The following MGAM variants were observed in gnomAD, a reference collection of about 807,000 sequenced individuals.
MGAM encodes the protein maltase-glucoamylase.
MGAM carries 253 observed loss-of-function variants against 358.8 expected under a neutral mutation model. The ratio of observed to expected loss-of-function variants is 0.71; its 90% confidence interval spans 0.64 to 0.78. The LOEUF is 0.78. Ranked by LOEUF, MGAM falls within the 30% of genes least tolerant of loss-of-function variation. MGAM has a pLI of 0.00. For missense variants in MGAM, 3,080 were observed against 3,432.6 expected, an observed-to-expected ratio of 0.90 and a Z score of 2.57; for synonymous variants, 1,105 against 1,227.1, an observed-to-expected ratio of 0.90 and a Z score of 2.08.
At chr7:142,081,992 C>T in intron 50 of MGAM, 50 bp from the exon 51 acceptor site, 1 of 1,512,680 alleles carries the variant, frequency 6.6e-7, no homozygotes. Context: ...CTGCTGGAAG[C>T]AGAGAGAAAA....
At chr7:142,051,172 G>A (rs1261168430) in intron 24 of MGAM, among the ~76,000 whole-genome samples, 1 of 152,116 alleles carries the variant, frequency 6.6e-6, no homozygotes, top group Non-Finnish European at 1.5e-5. Context: ...GGAATAGCCT[G>A]ACATTATTAG....
rs369092114 is a variant in MGAM at position 142,065,966 on chromosome 7, T to C, written c.4770+135T>C. 1,167 of 755,554 alleles carry C rather than the reference T, an allele frequency of 1.5e-3. 49 individuals carry two copies. In the African/African-American group the frequency reaches 0.02, roughly 13 times the overall value. 46.8% of individuals were successfully genotyped at this position (755,554 alleles called of 1,614,324 possible). A position where few individuals can be genotyped will look rare whatever the true frequency, so the allele number is the denominator to read the frequency against. On this transcript the variant is annotated intron_variant, in intron 40 of 70. Coordinates refer to ENST00000475668, the MANE Select transcript of MGAM (RefSeq NM_001365693.1). ...GTGTTTTTTTTTGTTTTGTTTTGTT[T>C]TGTTTTTTTTTTTGAAACAGGGATT... is the stretch of plus-strand genomic sequence containing the variant.
chr7:142,078,024 T>C (rs1451244905), intron 47 of MGAM, among the ~76,000 whole-genome samples: 3 of 144,882 alleles, frequency 2.1e-5, no homozygotes, highest in Admixed American at 7.0e-5. Flanking sequence ...TAAGAGGAGT[T>C]AGGGTAGAAA....
rs1190354995 is a variant in MGAM at position 142,062,572 on chromosome 7, A to G, written c.4127A>G (p.Tyr1376Cys). Residue 1376 changes from tyrosine to cysteine, a missense_variant, in exon 35 of 71, where the codon TAT (tyrosine) becomes TGT (cysteine). This residue lies in a region of MGAM where 1,816 missense variants were observed against 1,840.5 expected (regional missense o/e 0.99). Coordinates refer to ENST00000475668, the MANE Select transcript of MGAM (RefSeq NM_001365693.1). Reference protein sequence around the residue: ...SLDWDSQVELYRAYVAFPDFF... With the variant: ...SLDWDSQVELCRAYVAFPDFF... ...AATTATATTTCTTTTTTATAGCTAT[A>G]TCGAGCTTATGTGGCCTTCCCAGAC... 5.7e-6 allele frequency: 9 copies of G among 1,584,924 alleles called. No homozygotes were observed. The highest frequency in any genetic ancestry group is 1.7e-4 in the Middle Eastern group (1 of 5,742).
intron 3 of MGAM, among the ~76,000 whole-genome samples, chr7:142,009,926 G>A (rs1805476923): frequency 6.6e-6 from 1 of 152,108 alleles, no homozygotes; most frequent in Admixed American, 6.6e-5. Flanking sequence ...AGAGGATGGT[G>A]GGAAGAAGTT....
intron 2 of MGAM, among the ~76,000 whole-genome samples, chr7:142,007,962 C>T (rs921859046): frequency 6.6e-6 from 1 of 152,150 alleles, no homozygotes; most frequent in Non-Finnish European, 1.5e-5. Flanking sequence ...AGTAAAGAAT[C>T]AGATCAGAGG....
In MGAM at chr7:142,071,017, A is replaced by T; in HGVS notation, c.5085A>T (p.Gly1695=). ...YYTGVDINAR[G]EWKTLPAPLD... is the part of the protein sequence containing the mutation. ...AGGGTGTGGATATTAATGCAAGAGG[A>T]GAGTGGAAGACCTTGCCAGCCCCTC... is the stretch of plus-strand genomic sequence containing the variant. The change falls in exon 44 of 71, where the codon GGA becomes GGT. Residue 1695 remains glycine (G), a synonymous_variant. Transcript: ENST00000475668. The T allele has an allele frequency of 6.4e-7, 1 of 1,556,162 alleles. No individual in the cohort carries two copies. Among genetic ancestry groups the T allele is most frequent in the Non-Finnish European group, 8.8e-7 (1 of 1,132,444 alleles).
At chr7:142,099,152 C>T (rs1246623347) in intron 66 of MGAM, among the ~76,000 whole-genome samples, 1 of 152,190 alleles carries the variant, frequency 6.6e-6, no homozygotes, top group Non-Finnish European at 1.5e-5. Flanking sequence ...TTTTGGTTGT[C>T]ACAACAGAGT....
rs10282275 is a variant in MGAM at position 142,093,287 on chromosome 7, A to G, written c.7034-125A>G. 0.013 allele frequency: 16,560 copies of G among 1,263,286 alleles called. 1,936 individuals are homozygous for G. The African/African-American group carries it at 0.19, about 14-fold the overall frequency. The allele number at this position is 1,263,286 out of a possible 1,614,324, so 78.3% of individuals were successfully genotyped here. ...GGGGCGCTGTGCTCATGTCTCTGGG[A>G]AGACGGAGAGTGACACAGGCAGGAC... On this transcript the variant is annotated intron_variant, in intron 59 of 70. Transcript: ENST00000475668.
rs201866973 is a variant in MGAM, at chr7:142,034,808, C to A, written c.1926C>A (p.Gly642=). Residue 642 remains glycine (G), a synonymous_variant, in exon 16 of 71, where the codon GGC becomes GGA. Coordinates refer to ENST00000475668, the MANE Select transcript of MGAM (RefSeq NM_001365693.1). ...ATGACCTGAGATGGTCCATCCCTGGCGTGCTTGAGTTCAACCTTTTTGGCA... is the reference window on the plus strand; with the variant it reads ...ATGACCTGAGATGGTCCATCCCTGGAGTGCTTGAGTTCAACCTTTTTGGCA... ...TWDDLRWSIP[G]VLEFNLFGIP... 1.9e-6 allele frequency: 3 copies of A among 1,613,162 alleles called. No individual in the cohort carries two copies. The highest frequency in any genetic ancestry group is 1.7e-4 in the Middle Eastern group (1 of 6,044).
At chr7:142,014,640 T>G (rs1427929260) in intron 3 of MGAM, among the ~76,000 whole-genome samples, 1 of 152,142 alleles carries the variant, frequency 6.6e-6, no homozygotes, top group Non-Finnish European at 1.5e-5. Flanking sequence ...ACCACACTTT[T>G]GAAATTGATA....
chr7:142,090,200 A>C (rs1265868051), intron 57 of MGAM, among the ~76,000 whole-genome samples: 2 of 145,986 alleles, frequency 1.4e-5, no homozygotes, highest in African/African-American at 4.9e-5. Context: ...ACGTTGGAGA[A>C]CGGCAGAACA....
At chr7:142,019,386 G>T in intron 4 of MGAM, 67 bp downstream of exon 4, 1 of 1,556,448 alleles carries the variant, frequency 6.4e-7, no homozygotes. Flanking sequence ...TATCCCCCAG[G>T]GGCAGCCTGC....
In MGAM at chr7:142,044,097, A is replaced by G. The variant is rs1431322577; in HGVS notation, c.2498+3251A>G. 4.2e-5 allele frequency among the ~76,000 whole-genome samples: 6 copies of G among 143,762 alleles called. 1 individual carries two copies. The highest frequency in any genetic ancestry group is 7.2e-5 in the Admixed American group (1 of 13,978). 94.3% of individuals were successfully genotyped at this position (143,762 alleles called of 152,430 possible). A position where few individuals can be genotyped will look rare whatever the true frequency, so the allele number is the denominator to read the frequency against. ...AATACATTATATACACATACGACGTATAATATATACATTATATACACATAC... is the reference window on the plus strand; with the variant it reads ...AATACATTATATACACATACGACGTGTAATATATACATTATATACACATAC... On this transcript the variant is annotated intron_variant, in intron 21 of 70. Coordinates refer to ENST00000475668, the MANE Select transcript of MGAM (RefSeq NM_001365693.1).
intron 51 of MGAM, 103 bp from the exon 52 acceptor site, chr7:142,082,372 A>G (rs1814388175): frequency 1.6e-6 from 2 of 1,285,256 alleles, no homozygotes; most frequent in African/African-American, 2.9e-5. Context: ...AATTGATTTC[A>G]TGGAGAAAAC....
At chr7:142,059,429 C>T (rs144532936) in intron 31 of MGAM, 43 bp from the exon 32 acceptor site, 80,989 of 1,592,566 alleles carry the variant, frequency 0.051, 3,161 homozygotes, top group East Asian at 0.2. Flanking sequence ...AAAGCTTGGG[C>T]GTGTACAGCA....
At chr7:142,041,874 A>AT (rs1299332158) in intron 21 of MGAM, among the ~76,000 whole-genome samples, 2 of 90,256 alleles carry the variant, frequency 2.2e-5, no homozygotes, top group Non-Finnish European at 4.2e-5. Context: ...TATATATATT[A>AT]TATATATACG....
At chr7:142,105,087 C>A (rs1166028318) in intron 70 of MGAM, among the ~76,000 whole-genome samples, 1 of 152,012 alleles carries the variant, frequency 6.6e-6, no homozygotes, top group African/African-American at 2.4e-5. Flanking sequence ...AGGGCACATG[C>A]AGTGAAAGCT....
rs753276772 is a variant in MGAM at position 142,096,387 on chromosome 7, C to T, written c.7664C>T (p.Ala2555Val). Residue 2555 changes from alanine (A) to valine (V), a missense_variant, in exon 65 of 71, where the codon GCC becomes GTC. Physicochemically the swap from Ala to Val is moderately conservative, Grantham distance 64 (BLOSUM62 0). Coordinates refer to ENST00000475668, the MANE Select transcript of MGAM (RefSeq NM_001365693.1). ...GACAGTCAGTTCCTGCTGGGCCCAG[C>T]CTTCCTGGTCAGCCCTGTCCTGGAG... ...DIDSQFLLGPAFLVSPVLERN... is the reference protein window; with the variant it reads ...DIDSQFLLGPVFLVSPVLERN... The T allele has an allele frequency of 1.2e-6, 2 of 1,613,748 alleles. No individual in the cohort carries two copies. Among genetic ancestry groups the T allele is most frequent in the South Asian group, 2.2e-5 (2 of 91,074 alleles).
Sources: gnomAD v4.1 joint callset for allele counts (sites outside exome capture counted in the v4.1 genomes callset) on GRCh38, gnomAD v4.1.1 for gene constraint, gnomAD v4.1.1 regional missense constraint, MANE v1.5 for transcripts, NCBI Gene and HGNC (gene_info 2026-07-23, HGNC 2026-07-21) for gene names.